Variants in PLXNA2 observed in about 807,000 individuals in gnomAD.
PLXNA2 encodes plexin-A2.
In PLXNA2, 91 loss-of-function variants were observed where a neutral mutation model predicts 193.5. That is an observed-to-expected ratio of 0.47 (90% CI 0.40 to 0.56). The LOEUF (loss-of-function observed/expected upper bound fraction) is 0.56, where lower values mean the gene tolerates loss of function less well. PLXNA2 is among the 20% of genes least tolerant of loss of function. The probability of loss-of-function intolerance (pLI) is 0.00; values close to 1 mark genes in which losing one functional copy is unlikely to be tolerated. For missense variants in PLXNA2, 1,995 were observed against 2,503.2 expected (o/e 0.80, Z 4.33); for synonymous variants, 997 against 1,027.3 (o/e 0.97, Z 0.56).
At chr1:208,178,207 T>G (rs1669722117) in intron 3 of PLXNA2, among the ~76,000 whole-genome samples, 1 of 151,074 alleles carries the variant, frequency 6.6e-6, no homozygotes, top group South Asian at 2.1e-4. Flanking sequence ...CTCTTTGGAG[T>G]AGAGGGGAGG....
chr1:208,210,137 C>T, intron 3 of PLXNA2, 143 bp downstream of exon 3: 1 of 844,654 alleles, frequency 1.2e-6, no homozygotes, highest in East Asian at 2.7e-5. Flanking sequence ...AAATTAACCC[C>T]TTCTTACCTC....
At chr1:208,189,697 C>G (rs1670116876) in intron 3 of PLXNA2, among the ~76,000 whole-genome samples, 1 of 152,106 alleles carries the variant, frequency 6.6e-6, no homozygotes, top group Admixed American at 6.5e-5. Context: ...AACCAAAGCT[C>G]AATAAGGCTA....
intron 3 of PLXNA2, among the ~76,000 whole-genome samples, chr1:208,166,425 C>A (rs1377003050): frequency 2.0e-5 from 3 of 152,202 alleles, no homozygotes; most frequent in Admixed American, 6.5e-5. Flanking sequence ...GCAGGTACTT[C>A]CTGAAGATCC....
intron 1 of PLXNA2, among the ~76,000 whole-genome samples, chr1:208,240,055 C>CTGTA: frequency 6.6e-6 from 1 of 152,336 alleles, no homozygotes; most frequent in Admixed American, 6.5e-5. Context: ...GGTTAACCAA[C>CTGTA]TGTAGAAGCA....
intron 3 of PLXNA2, among the ~76,000 whole-genome samples, chr1:208,171,055 C>G (rs1471559050): frequency 6.6e-6 from 1 of 152,050 alleles, no homozygotes; most frequent in Admixed American, 6.5e-5. Context: ...CAGGCTGTAA[C>G]GAGTGGTAAC....
chr1:208,087,924 G>A (rs80123716), intron 9 of PLXNA2, among the ~76,000 whole-genome samples: 2,142 of 152,188 alleles, frequency 0.014, 30 homozygotes, highest in Middle Eastern at 0.02. Flanking sequence ...CACACACACA[G>A]GCACACACAT....
At chr1:208,087,659 CT>C (rs1666575523) in intron 9 of PLXNA2, among the ~76,000 whole-genome samples, 1 of 152,076 alleles carries the variant, frequency 6.6e-6, no homozygotes, top group South Asian at 2.1e-4. Flanking sequence ...CCCAGGTATG[CT>C]TTCTTCATCT....
At chr1:208,086,946 G>GCCCTCTCTCT (rs1571901013) in intron 9 of PLXNA2, among the ~76,000 whole-genome samples, 2 of 76,260 alleles carry the variant, frequency 2.6e-5, no homozygotes, top group South Asian at 6.8e-4. Context: ...GGTCTCTCTC[G>GCCCTCTCTCT]CACTCTCTCT....
At chr1:208,191,437 C>T (rs1297286501) in intron 3 of PLXNA2, among the ~76,000 whole-genome samples, 3 of 152,034 alleles carry the variant, frequency 2.0e-5, no homozygotes, top group Admixed American at 6.5e-5. Flanking sequence ...AATCGTGGCG[C>T]GTACTGAGGG....
intron 3 of PLXNA2, among the ~76,000 whole-genome samples, chr1:208,169,045 A>G (rs994510119): frequency 2.0e-5 from 3 of 152,024 alleles, no homozygotes; most frequent in Admixed American, 2.0e-4. Flanking sequence ...ACTCTTTTTC[A>G]TGAACTCCCT....
At chr1:208,049,246 C>T (rs748458121) in intron 17 of PLXNA2, among the ~76,000 whole-genome samples, 30 of 152,156 alleles carry the variant, frequency 2.0e-4, no homozygotes, top group Middle Eastern at 6.8e-3. Context: ...TATACTCTGG[C>T]CTTGCCATAC....
chr1:208,116,198 T>C (rs1052948988), intron 4 of PLXNA2, among the ~76,000 whole-genome samples: 3 of 152,218 alleles, frequency 2.0e-5, no homozygotes, highest in African/African-American at 7.2e-5. Flanking sequence ...TCTTCCTTGA[T>C]CAACCTTTGT....
rs12143932 is a variant in PLXNA2, at chr1:208,201,451, G to A, written c.1371+8829C>T. Among the ~76,000 whole-genome samples, 1,014 of 152,234 alleles carry A rather than the reference G, an allele frequency of 6.7e-3. 13 individuals are homozygous for A. Among genetic ancestry groups the A allele is most frequent in the Non-Finnish European group, 9.0e-3 (612 of 68,010 alleles). On this transcript the variant is annotated intron_variant, in intron 3 of 31. Transcript: ENST00000367033. The stretch of plus-strand genomic sequence containing the variant: ...AAGTCCAGCAGGATTAGATTAGTTC[G>A]GCTCAGCTGGTCCCGTCTTCTAAGT...
intron 3 of PLXNA2, among the ~76,000 whole-genome samples, chr1:208,202,681 C>T (rs1396233733): frequency 6.6e-6 from 1 of 152,192 alleles, no homozygotes; most frequent in Non-Finnish European, 1.5e-5. Context: ...CCTCTGTAAA[C>T]ACCAGCACCT....
chr1:208,035,419 T>G (rs982388132), intron 26 of PLXNA2, among the ~76,000 whole-genome samples: 1 of 152,176 alleles, frequency 6.6e-6, no homozygotes, highest in African/African-American at 2.4e-5. Flanking sequence ...AATAGTTTCA[T>G]CAAAAGGGCA....
At position 208,082,468 on chromosome 1, in the gene PLXNA2, T is replaced by C. The variant is rs1289340858; in HGVS notation, c.2339A>G (p.Asp780Gly). The change falls in exon 11 of 32, where the codon GAT becomes GGT. Residue 780 changes from aspartate (D) to glycine (G), a missense_variant. By Grantham distance (94) the Asp-to-Gly change is moderately conservative. Around this residue, in one of 3 missense-constraint regions of PLXNA2, gnomAD observed 1,291 missense variants for 1,673.6 expected, o/e 0.77. Coordinates refer to ENST00000367033, the MANE Select transcript of PLXNA2 (RefSeq NM_025179.4). The surrounding 1 kb of genome is among the most constrained non-coding windows in gnomAD (Gnocchi z 4.2). ...DGMDISNLAV[D>G]FAVVWNGNFI... ...ATTGCCGTTCCACACCACAGCGAAATCCACGGCCAGATTGCTGATGTCCAT... is the reference window on the plus strand; with the variant it reads ...ATTGCCGTTCCACACCACAGCGAAACCCACGGCCAGATTGCTGATGTCCAT... 1 of 1,614,058 alleles carries C rather than the reference T, an allele frequency of 6.2e-7. No homozygotes were observed. The highest frequency in any genetic ancestry group is 1.7e-5 in the Admixed American group (1 of 60,000).
At chr1:208,195,775 C>A (rs1670338897) in intron 3 of PLXNA2, among the ~76,000 whole-genome samples, 1 of 151,666 alleles carries the variant, frequency 6.6e-6, no homozygotes, top group Non-Finnish European at 1.5e-5. Flanking sequence ...GGGGAGGCAT[C>A]AAGGAGACAG....
intron 3 of PLXNA2, among the ~76,000 whole-genome samples, chr1:208,151,952 A>G (rs1205595974): frequency 6.6e-6 from 1 of 152,218 alleles, no homozygotes; most frequent in African/African-American, 2.4e-5. Context: ...AGTCCTGGGG[A>G]ACAAAATAGA....
chr1:208,234,951 A>G (rs1671808578), intron 1 of PLXNA2, among the ~76,000 whole-genome samples: 1 of 152,204 alleles, frequency 6.6e-6, no homozygotes, highest in South Asian at 2.1e-4. Flanking sequence ...GGGCCTGGGT[A>G]AAAGCTACTC....
Sources: gnomAD v4.1 joint callset for allele counts (sites outside exome capture counted in the v4.1 genomes callset) on GRCh38, gnomAD v4.1.1 for gene constraint, gnomAD v4.1.1 regional missense constraint, Gnocchi (gnomAD v3.1) non-coding constraint, MANE v1.5 for transcripts, NCBI Gene and HGNC (gene_info 2026-07-23, HGNC 2026-07-21) for gene names.